Variants in GAS2L1 observed in about 807,000 individuals in gnomAD.
The protein encoded by GAS2L1 is GAS2-like protein 1.
In GAS2L1, 26 loss-of-function variants were observed where a neutral mutation model predicts 44.0. The ratio of observed to expected loss-of-function variants is 0.59; its 90% CI spans 0.43 to 0.82. The LOEUF is 0.82. GAS2L1 is among the 40% of genes least tolerant of loss of function. GAS2L1 has a pLI of 0.00. For synonymous variants in GAS2L1, 426 were observed against 415.9 expected (o/e 1.02, Z -0.30); for missense variants, 1,006 against 983.0 (o/e 1.02, Z -0.31).
At chr22:29,311,123 G>C (rs529068456) in intron 4 of GAS2L1, 125 bp downstream of exon 5, 1 of 905,330 alleles carries the variant, frequency 1.1e-6, no homozygotes, top group African/African-American at 1.7e-5. Flanking sequence ...CGTGGGTGGG[G>C]GCGGGCCTGG....
At chr22:29,311,479 C>A (rs1219177691) in exon 5 of GAS2L1, 9 of 1,434,368 alleles carry the variant, frequency 6.3e-6, no homozygotes, top group South Asian at 3.8e-5. Flanking sequence ...GATCAGCTGC[C>A]CCCCCATCCC....
At chr22:29,311,533 C>T (rs1215602907) in exon 5 of GAS2L1, 21 of 1,542,092 alleles carry the variant, frequency 1.4e-5, no homozygotes, top group Non-Finnish European at 1.8e-5. Flanking sequence ...TCAGCCTCCT[C>T]CGCCCAGAGC....
At chr22:29,309,685 T>C (rs973644457) in intron 1 of GAS2L1, among the ~76,000 whole-genome samples, 1 of 152,216 alleles carries the variant, frequency 6.6e-6, no homozygotes, top group African/African-American at 2.4e-5. Context: ...TGTGTGTGCA[T>C]GTGTCCGATG....
exon 1 of GAS2L1, chr22:29,308,216 C>G (rs1375937818): frequency 1.2e-6 from 2 of 1,609,150 alleles, no homozygotes; most frequent in Non-Finnish European, 1.7e-6. Context: ...CCGAGTGGCT[C>G]AATGCCTTGT....
Position 29,308,476 on chromosome 22 carries a change from C to T in GAS2L1, c.371C>T (p.Thr124Ile), listed in dbSNP as rs371142942. 3 of 1,608,306 alleles carry T rather than the reference C, an allele frequency of 1.9e-6. No homozygotes were observed. In the African/African-American group the frequency reaches 4.0e-5, roughly 21 times the overall value. ...GTGCCGGAGGTGCTCATGTTTGAGA[C>T]TGAGGACCTGGTGCTGCGCAAGAAC... Residue 124 changes from threonine (T) to isoleucine (I), a missense_variant, in exon 1 of 5, where the codon ACT (threonine) becomes ATT (isoleucine). Physicochemically the swap from Thr to Ile is moderately conservative, Grantham distance 89. Transcript: ENST00000618518.
chr22:29,311,950 C>T (rs1264920750), exon 5 of GAS2L1: 2 of 1,606,896 alleles, frequency 1.2e-6, no homozygotes, highest in Non-Finnish European at 1.7e-6. Flanking sequence ...ACCACACCGG[C>T]CAGCATCTTC....
At chr22:29,310,567 C>A (rs777542883) in intron 2 of GAS2L1, 21 bp downstream of exon 3, 63 of 1,581,040 alleles carry the variant, frequency 4.0e-5, no homozygotes, top group Non-Finnish European at 5.4e-5. Context: ...GGGGCCGCCC[C>A]AGCGGGCAGC....
In GAS2L1 at chr22:29,308,170, G is replaced by T. The variant is rs771910194; in HGVS notation, c.65G>T (p.Ser22Ile). The change falls in exon 1 of 5, where the codon AGT (serine) becomes ATT (isoleucine). Residue 22 changes from serine (S) to isoleucine (I), a missense_variant. Transcript: ENST00000618518. Reference sequence around the variant, plus strand: ...AAGAGCGTGCGGCCATTTCGCTCCAGTGAGGCCTACGTGGAGGCCATGAAG... The same window carrying T: ...AAGAGCGTGCGGCCATTTCGCTCCATTGAGGCCTACGTGGAGGCCATGAAG... 5 of 1,597,916 alleles carry T rather than the reference G, an allele frequency of 3.1e-6. No homozygotes were observed. In the Admixed American group the frequency reaches 5.0e-5, roughly 16 times the overall value.
intron 4 of GAS2L1, chr22:29,311,246 G>GTCTA: frequency 1.7e-6 from 1 of 587,656 alleles, no homozygotes; most frequent in South Asian, 2.1e-5. Context: ...TGGGAAGGGG[G>GTCTA]GTGTCTAGAG....
At chr22:29,309,050 G>GGGGCC (rs1318897114) in intron 1 of GAS2L1, among the ~76,000 whole-genome samples, 1 of 152,226 alleles carries the variant, frequency 6.6e-6, no homozygotes, top group East Asian at 1.9e-4. Flanking sequence ...CTTCTTCTGG[G>GGGGCC]GGGCCGCATG....
rs1455271841 is a variant in GAS2L1, at chr22:29,310,890, G to T, written c.902G>T (p.Ser301Ile). ...CCACAGAGGGTGTCGCCCACCACCA[G>T]TCCCCGCCCTGCTAGCCCAGTCCCT... The change falls in exon 4 of 5, where the codon AGT (serine) becomes ATT (isoleucine). Residue 301 changes from serine to isoleucine, a missense_variant. Transcript: ENST00000618518. 4.3e-6 allele frequency: 7 copies of T among 1,613,344 alleles called. No homozygotes were observed. Among genetic ancestry groups the T allele is most frequent in the Non-Finnish European group, 5.9e-6 (7 of 1,180,008 alleles).
chr22:29,310,203 T>C (rs994497754), intron 1 of GAS2L1: 6 of 244,408 alleles, frequency 2.5e-5, no homozygotes, highest in Non-Finnish European at 4.6e-5. Flanking sequence ...GATCGTGCTA[T>C]TGCACTCCAG....
exon 5 of GAS2L1, chr22:29,312,367 A>G (rs779462170): frequency 3.1e-6 from 5 of 1,603,282 alleles, no homozygotes; most frequent in Admixed American, 3.4e-5. Context: ...ATGGACACAC[A>G]GCCAGACCGT....
At chr22:29,310,418 A>G (rs750468193) in intron 1 of GAS2L1, 21 bp from the exon 3 acceptor site, 1 of 1,384,156 alleles carries the variant, frequency 7.2e-7, no homozygotes, top group South Asian at 1.2e-5. Context: ...TCTGACCCCT[A>G]CCCTCTCTCT....
chr22:29,307,088 G>A (rs1454612448), exon 1 of GAS2L1: 1 of 152,018 alleles, frequency 6.6e-6, no homozygotes. Context: ...GCGCCTCCCT[G>A]CGGCGGCCCG....
exon 1 of GAS2L1, chr22:29,308,437 G>A (rs759252440): frequency 1.2e-6 from 2 of 1,605,038 alleles, no homozygotes; most frequent in East Asian, 2.2e-5. Flanking sequence ...GGCTGGTGCC[G>A]CGTGGAGCTG....
At chr22:29,311,491 G>C (rs892564399) in exon 5 of GAS2L1, 4 of 1,483,484 alleles carry the variant, frequency 2.7e-6, no homozygotes, top group African/African-American at 1.4e-5. Context: ...CCCCATCCCC[G>C]CTCCCGCCGC....
chr22:29,311,084 A>T, intron 4 of GAS2L1, 86 bp downstream of exon 5: 1 of 1,309,786 alleles, frequency 7.6e-7, no homozygotes, highest in Non-Finnish European at 1.0e-6. Context: ...CCTGTGCGCC[A>T]GAGTGACTCA....
At chr22:29,310,363 G>A in intron 1 of GAS2L1, 76 bp from the exon 3 acceptor site, 3 of 813,780 alleles carry the variant, frequency 3.7e-6, no homozygotes, top group Non-Finnish European at 2.1e-6. Flanking sequence ...ACTTCCTCCT[G>A]ACCCTGGAAT....
Sources: gnomAD v4.1 joint callset for allele counts (sites outside exome capture counted in the v4.1 genomes callset) on GRCh38, gnomAD v4.1.1 for gene constraint, MANE v1.5 for transcripts, NCBI Gene and HGNC (gene_info 2026-07-23, HGNC 2026-07-21) for gene names.